Variants in LYRM4 observed in about 807,000 individuals in gnomAD.
LYRM4 encodes LYR motif containing 4.
In LYRM4, 9 loss-of-function variants were observed where a neutral mutation model predicts 11.7. The ratio of observed to expected loss-of-function variants is 0.77; its 90% CI spans 0.46 to 1.34. The LOEUF is 1.34. Among genes scored for constraint, LYRM4 ranks in the 40% most tolerant of loss-of-function variants. The probability of loss-of-function intolerance (pLI) is 0.00; values close to 1 mark genes in which losing one functional copy is unlikely to be tolerated. For synonymous variants in LYRM4, 42 were observed against 40.4 expected, an observed-to-expected ratio of 1.04 and a Z score of -0.15; for missense variants, 133 against 112.5, an observed-to-expected ratio of 1.18 and a Z score of -0.82.
the LYRM4 span, among the ~76,000 whole-genome samples, chr6:5,057,197 C>T: frequency 2.6e-5 from 4 of 152,140 alleles, no homozygotes; most frequent in Admixed American, 1.3e-4. Flanking sequence ...CCCCCTTTCC[C>T]CAAAGGCTCT....
chr6:5,102,954 T>A (rs1323874599), downstream of LYRM4: 1 of 152,244 alleles, frequency 6.6e-6, no homozygotes, highest in African/African-American at 2.4e-5. Context: ...TCAGGGTCTT[T>A]GAAGTCAAAA....
the LYRM4 span, among the ~76,000 whole-genome samples, chr6:5,051,322 T>C: frequency 0.18 from 26,691 of 152,086 alleles, 3,399 homozygotes; most frequent in African/African-American, 0.36. Context: ...AATATGAACA[T>C]GAACATAAAT....
In LYRM4 at chr6:5,181,684, C is replaced by A. The variant is rs140900380; in HGVS notation, c.207+34934G>T. On this transcript the variant is annotated intron_variant, in intron 2 of 2. Coordinates refer to ENST00000330636, the MANE Select transcript of LYRM4 (RefSeq NM_020408.6). The stretch of plus-strand genomic sequence containing the variant: ...GGGCCATGCTCAACTGGCCTCCCTG[C>A]CGAGCTCTCTCTAAGAGATGTTGCC... Among the ~76,000 whole-genome samples the A allele has an allele frequency of 7.7e-4, 117 of 152,260 alleles. 1 individual carries two copies. Among genetic ancestry groups the A allele is most frequent in the African/African-American group, 2.6e-3 (110 of 41,554 alleles).
chr6:5,154,679 C>A (rs563655723), intron 2 of LYRM4, among the ~76,000 whole-genome samples: 1 of 152,096 alleles, frequency 6.6e-6, no homozygotes, highest in Non-Finnish European at 1.5e-5. Context: ...ATTAGCCGGG[C>A]GTGGTGTCAC....
chr6:5,256,491 GAAAAAAAAAAAAAA>G (rs1161084364), intron 1 of LYRM4, among the ~76,000 whole-genome samples: 1 of 43,878 alleles, frequency 2.3e-5, no homozygotes, highest in African/African-American at 1.5e-4. Context: ...ATTTCAACTG[GAAAAAAAAAAAAAA>G]AAAAAAAAAA....
chr6:5,074,706 C>T, the LYRM4 span, among the ~76,000 whole-genome samples: 1 of 150,856 alleles, frequency 6.6e-6, no homozygotes, highest in East Asian at 1.9e-4. Flanking sequence ...TATGGAGAAG[C>T]ACAAGTAAGG....
At chr6:5,216,139 C>T (rs181273788) in intron 2 of LYRM4, among the ~76,000 whole-genome samples, 4 of 152,282 alleles carry the variant, frequency 2.6e-5, no homozygotes, top group Admixed American at 2.6e-4. Flanking sequence ...AGCAGCTGTA[C>T]TTTACACCAT....
At chr6:5,243,260 G>A (rs996319915) in intron 1 of LYRM4, among the ~76,000 whole-genome samples, 1 of 152,208 alleles carries the variant, frequency 6.6e-6, no homozygotes, top group African/African-American at 2.4e-5. Flanking sequence ...GGACTGCAGT[G>A]ACGCTCATGC....
chr6:5,157,463 C>T (rs938621905), intron 2 of LYRM4, among the ~76,000 whole-genome samples: 1 of 150,732 alleles, frequency 6.6e-6, no homozygotes, highest in Non-Finnish European at 1.5e-5. Context: ...ATGAAATGTT[C>T]TTTGCATGAG....
At chr6:5,183,473 G>A (rs1013936472) in intron 2 of LYRM4, among the ~76,000 whole-genome samples, 7 of 152,138 alleles carry the variant, frequency 4.6e-5, no homozygotes, top group African/African-American at 1.7e-4. Context: ...ATCATATACA[G>A]TATAGCAAAG....
At chr6:5,124,900 T>C (rs1287205273) in intron 2 of LYRM4, among the ~76,000 whole-genome samples, 1 of 152,214 alleles carries the variant, frequency 6.6e-6, no homozygotes, top group Admixed American at 6.5e-5. Flanking sequence ...CCAGCCACAC[T>C]GGGTTGTGAG....
the LYRM4 span, chr6:5,043,421 A>G: frequency 6.6e-6 from 1 of 152,040 alleles, no homozygotes. Flanking sequence ...TCCTCCTTTC[A>G]ACTCTCATAA....
chr6:5,257,594 G>C (rs1764739161), intron 1 of LYRM4, among the ~76,000 whole-genome samples: 1 of 152,194 alleles, frequency 6.6e-6, no homozygotes, highest in Non-Finnish European at 1.5e-5. Context: ...TTGAGCGGTG[G>C]GTGAGTGCGC....
chr6:5,083,021 C>T, the LYRM4 span, among the ~76,000 whole-genome samples: 1 of 152,216 alleles, frequency 6.6e-6, no homozygotes, highest in Admixed American at 6.5e-5. Context: ...TTGGCCCCTC[C>T]CACGCACTGA....
At chr6:5,057,439 G>A in the LYRM4 span, among the ~76,000 whole-genome samples, 1 of 152,192 alleles carries the variant, frequency 6.6e-6, no homozygotes, top group African/African-American at 2.4e-5. Flanking sequence ...CATTCCGGCT[G>A]GGCGTGGTGG....
chr6:5,067,878 T>A, the LYRM4 span, among the ~76,000 whole-genome samples: 3 of 152,288 alleles, frequency 2.0e-5, no homozygotes, highest in East Asian at 5.8e-4. Context: ...GAAAAAAAGA[T>A]TACGTATATA....
chr6:5,224,163 A>G (rs1220135606), intron 1 of LYRM4, among the ~76,000 whole-genome samples: 1 of 152,244 alleles, frequency 6.6e-6, no homozygotes, highest in Non-Finnish European at 1.5e-5. Context: ...TTAGAAACAA[A>G]TATCACAAAA....
At chr6:5,254,878 C>A (rs1021727227) in intron 1 of LYRM4, among the ~76,000 whole-genome samples, 3 of 152,114 alleles carry the variant, frequency 2.0e-5, no homozygotes, top group African/African-American at 7.2e-5. Flanking sequence ...GTTTTATTAA[C>A]CAAAATTCCG....
At chr6:5,039,008 G>A in the LYRM4 span, among the ~76,000 whole-genome samples, 13 of 151,978 alleles carry the variant, frequency 8.6e-5, no homozygotes, top group Admixed American at 7.2e-4. Flanking sequence ...TGGTTTATGG[G>A]TAGTTTACAC....
Sources: gnomAD v4.1 joint callset for allele counts (sites outside exome capture counted in the v4.1 genomes callset) on GRCh38, gnomAD v4.1.1 for gene constraint, MANE v1.5 for transcripts, NCBI Gene and HGNC (gene_info 2026-07-23, HGNC 2026-07-21) for gene names.